Variants in TOX observed in about 807,000 individuals in gnomAD.
TOX encodes the protein thymocyte selection-associated high mobility group box protein TOX.
TOX carries 11 observed loss-of-function variants against 53.7 expected under a neutral mutation model. That is an observed-to-expected ratio of 0.20 (90% CI 0.13 to 0.34). The LOEUF is 0.34. TOX is among the 10% of genes least tolerant of loss of function. The probability of loss-of-function intolerance (pLI) is 1.00; values close to 1 mark genes in which losing one functional copy is unlikely to be tolerated. For synonymous variants in TOX, 225 were observed against 245.3 expected (o/e 0.92, Z 0.77); for missense variants, 570 against 664.6 (o/e 0.86, Z 1.56).
chr8:58,872,078 G>A (rs1405327380), intron 3 of TOX, among the ~76,000 whole-genome samples: 13 of 151,868 alleles, frequency 8.6e-5, no homozygotes, highest in Non-Finnish European at 1.6e-4. Context: ...TTTTTTCATG[G>A]AAGATAGAAC....
intron 2 of TOX, among the ~76,000 whole-genome samples, chr8:58,952,152 T>C (rs1397975563): frequency 6.6e-6 from 1 of 152,150 alleles, no homozygotes; most frequent in Non-Finnish European, 1.5e-5. Flanking sequence ...CAGAAGACAC[T>C]GGGGTAGGTG....
Position 58,851,177 on chromosome 8 carries a change from TCTCTCTCTCACA to T in TOX, c.693+335_693+346del, listed in dbSNP as rs1351451629. Among the ~76,000 whole-genome samples the T allele has an allele frequency of 2.7e-5, 4 of 146,894 alleles. No individual in the cohort carries two copies. In the East Asian group the frequency reaches 8.1e-4, roughly 30 times the overall value. ...CTCTCTGTCTCTCTCTCTCTCTCTC[TCTCTCTCTCACA>T]CACACACACACACACACACACACGA... On this transcript the variant is annotated intron_variant, in intron 4 of 8. Coordinates refer to ENST00000361421, the MANE Select transcript of TOX (RefSeq NM_014729.3). The surrounding 1 kb of genome is among the most constrained non-coding windows in gnomAD (Gnocchi z 4.4).
At chr8:59,021,491 T>C (rs1430384110) in intron 1 of TOX, among the ~76,000 whole-genome samples, 2 of 126,020 alleles carry the variant, frequency 1.6e-5, no homozygotes, top group Non-Finnish European at 1.7e-5. Flanking sequence ...AATATATATA[T>C]ATATATATGC....
intron 1 of TOX, among the ~76,000 whole-genome samples, chr8:59,090,975 C>T (rs1002294983): frequency 1.3e-5 from 2 of 152,202 alleles, no homozygotes; most frequent in African/African-American, 4.8e-5. Context: ...TCTCCACCAG[C>T]TGTGACTCCA....
intron 3 of TOX, among the ~76,000 whole-genome samples, chr8:58,931,525 T>C (rs1309632277): frequency 6.6e-6 from 1 of 152,222 alleles, no homozygotes; most frequent in Non-Finnish European, 1.5e-5. Context: ...AAATTTCCTA[T>C]TTGGTAAGCA....
chr8:58,879,074 C>G (rs1261997696), intron 3 of TOX, among the ~76,000 whole-genome samples: 2 of 127,060 alleles, frequency 1.6e-5, no homozygotes, highest in Admixed American at 1.5e-4. Context: ...AAAAAAAAAA[C>G]AAAAAAACTC....
intron 5 of TOX, among the ~76,000 whole-genome samples, chr8:58,831,159 G>C (rs1810447144): frequency 6.6e-6 from 1 of 152,106 alleles, no homozygotes; most frequent in African/African-American, 2.4e-5. Context: ...CACGTAAATG[G>C]TCTCAGCAAC....
chr8:58,951,958 A>G (rs915008326), intron 2 of TOX, among the ~76,000 whole-genome samples: 2 of 152,244 alleles, frequency 1.3e-5, no homozygotes, highest in Admixed American at 1.3e-4. Context: ...AATATAGATC[A>G]GAAAGAACAC....
At chr8:59,031,665 C>A (rs944172962) in intron 1 of TOX, among the ~76,000 whole-genome samples, 1 of 152,128 alleles carries the variant, frequency 6.6e-6, no homozygotes, top group East Asian at 1.9e-4. Flanking sequence ...ACTGGGCAAT[C>A]AAGGAAGGCC....
chr8:58,839,890 C>T (rs1563366926), intron 4 of TOX, among the ~76,000 whole-genome samples: 1 of 152,192 alleles, frequency 6.6e-6, no homozygotes, highest in Non-Finnish European at 1.5e-5. Context: ...CGCTTCATGC[C>T]TTCTTTTTAT....
intron 1 of TOX, among the ~76,000 whole-genome samples, chr8:59,002,347 C>T (rs995107465): frequency 3.3e-5 from 5 of 150,520 alleles, no homozygotes; most frequent in Non-Finnish European, 7.4e-5. Context: ...AATCCCAGCA[C>T]TTTGGGAGGC....
chr8:59,078,596 C>A (rs568009025), intron 1 of TOX, among the ~76,000 whole-genome samples: 12 of 152,156 alleles, frequency 7.9e-5, no homozygotes, highest in Non-Finnish European at 1.5e-4. Context: ...CCTATATATT[C>A]GTGAACCAAT....
chr8:59,084,140 T>C (rs1804465339), intron 1 of TOX, among the ~76,000 whole-genome samples: 1 of 152,192 alleles, frequency 6.6e-6, no homozygotes, highest in Non-Finnish European at 1.5e-5. Context: ...AAAATACTTA[T>C]TCCATTCACT....
intron 1 of TOX, among the ~76,000 whole-genome samples, chr8:59,106,416 T>A (rs1459243083): frequency 6.6e-6 from 1 of 152,200 alleles, no homozygotes; most frequent in East Asian, 1.9e-4. Context: ...AGAATTTACA[T>A]CATCCAAGTA....
At chr8:59,113,704 G>T (rs1018533539) in intron 1 of TOX, among the ~76,000 whole-genome samples, 2 of 152,070 alleles carry the variant, frequency 1.3e-5, no homozygotes, top group African/African-American at 4.8e-5. Flanking sequence ...AAGCAAGGGT[G>T]GTCCCAGGAG....
chr8:58,986,335 A>G (rs1386573649), intron 1 of TOX, among the ~76,000 whole-genome samples: 1 of 152,150 alleles, frequency 6.6e-6, no homozygotes, highest in Non-Finnish European at 1.5e-5. Flanking sequence ...CCAGTCCGCA[A>G]ATTCAGTTTG....
At chr8:59,046,433 G>A (rs1170492202) in intron 1 of TOX, among the ~76,000 whole-genome samples, 2 of 152,112 alleles carry the variant, frequency 1.3e-5, no homozygotes, top group East Asian at 3.8e-4. Flanking sequence ...GATCTTATTG[G>A]CAAGCTCCAA....
At chr8:59,034,839 T>C (rs758598292) in intron 1 of TOX, among the ~76,000 whole-genome samples, 2 of 152,202 alleles carry the variant, frequency 1.3e-5, no homozygotes, top group Non-Finnish European at 2.9e-5. Flanking sequence ...GCAAAGAAGC[T>C]CATTTTGTCC....
At chr8:58,814,030 C>G (rs962263741) in intron 7 of TOX, among the ~76,000 whole-genome samples, 1 of 152,126 alleles carries the variant, frequency 6.6e-6, no homozygotes, top group African/African-American at 2.4e-5. Flanking sequence ...GTGTCTTCCT[C>G]TAAATGAAGA....
Sources: allele counts gnomAD v4.1 joint callset (sites outside exome capture counted in the v4.1 genomes callset), GRCh38; gene constraint gnomAD v4.1.1; non-coding constraint Gnocchi (gnomAD v3.1); transcripts MANE v1.5; gene names NCBI Gene and HGNC (gene_info 2026-07-23, HGNC 2026-07-21).